Variants in STXBP5L observed in about 807,000 individuals in gnomAD.
STXBP5L encodes syntaxin-binding protein 5-like.
In STXBP5L, 65 loss-of-function variants were observed where a neutral mutation model predicts 144.5. The ratio of observed to expected loss-of-function variants is 0.45; its 90% CI spans 0.37 to 0.55. The LOEUF is 0.55. Ranked by LOEUF, STXBP5L falls within the 20% of genes least tolerant of loss-of-function variation. The pLI, the probability that STXBP5L is intolerant of heterozygous loss-of-function variation, is 0.00. For synonymous variants in STXBP5L, 505 were observed against 469.6 expected (o/e 1.08, Z -0.97); for missense variants, 1,298 against 1,405.5 (o/e 0.92, Z 1.22).
chr3:121,338,413 G>A (rs188654009), intron 20 of STXBP5L, among the ~76,000 whole-genome samples: 12 of 152,032 alleles, frequency 7.9e-5, no homozygotes, highest in South Asian at 2.1e-4. Flanking sequence ...GGAGTCTGAG[G>A]CGGGTGGATC....
intron 9 of STXBP5L, among the ~76,000 whole-genome samples, chr3:121,182,539 T>G (rs903387765): frequency 1.1e-4 from 16 of 152,090 alleles, no homozygotes; most frequent in Non-Finnish European, 4.4e-5. Context: ...AGAAAAAGCT[T>G]ACAGCATTAA....
intron 9 of STXBP5L, among the ~76,000 whole-genome samples, chr3:121,194,909 CTTTTTTTTTT>C (rs10717806): frequency 1.6e-4 from 11 of 68,500 alleles, no homozygotes; most frequent in Admixed American, 6.9e-4. Flanking sequence ...TCTTTTCACT[CTTTTTTTTTT>C]TTTTTTTTTT....
At chr3:121,339,622 T>C (rs1366257656) in intron 20 of STXBP5L, among the ~76,000 whole-genome samples, 3 of 152,112 alleles carry the variant, frequency 2.0e-5, no homozygotes, top group African/African-American at 7.2e-5. Context: ...TCAAACTATT[T>C]ATATTTGCCG....
chr3:121,321,499 A>G (rs1338422791), intron 20 of STXBP5L, among the ~76,000 whole-genome samples: 1 of 152,210 alleles, frequency 6.6e-6, no homozygotes, highest in Non-Finnish European at 1.5e-5. Context: ...AGCCACACAT[A>G]CACCTAAAAC....
At chr3:121,147,073 A>T (rs939639272) in intron 7 of STXBP5L, among the ~76,000 whole-genome samples, 11 of 152,112 alleles carry the variant, frequency 7.2e-5, no homozygotes, top group Admixed American at 1.3e-4. Flanking sequence ...ATTAGTGTGG[A>T]TAAAGAAAAT....
intron 5 of STXBP5L, among the ~76,000 whole-genome samples, chr3:121,095,165 C>T (rs1487782637): frequency 6.6e-6 from 1 of 152,206 alleles, no homozygotes; most frequent in Non-Finnish European, 1.5e-5. Flanking sequence ...CGCTGTTAGT[C>T]TGACGAGCTT....
intron 7 of STXBP5L, among the ~76,000 whole-genome samples, chr3:121,150,817 G>T (rs981226794): frequency 6.6e-6 from 1 of 152,106 alleles, no homozygotes; most frequent in South Asian, 2.1e-4. Context: ...GCTGGGCATG[G>T]TGACTCATGC....
chr3:121,301,170 T>C (rs1366362198), intron 19 of STXBP5L, among the ~76,000 whole-genome samples: 1 of 152,242 alleles, frequency 6.6e-6, no homozygotes, highest in Non-Finnish European at 1.5e-5. Flanking sequence ...TGATTCTTCC[T>C]ACCCATGAGC....
rs371732799 is a variant in STXBP5L at position 121,334,733 on chromosome 3, G to T, written c.2176+16193G>T. On this transcript the variant is annotated intron_variant, in intron 20 of 26. Transcript: ENST00000471454. Reference sequence around the variant, plus strand: ...TTCATCATAAACAGAACTAAAGATAGAAACCACATGATCATCTCAGTTCAA... The same window carrying T: ...TTCATCATAAACAGAACTAAAGATATAAACCACATGATCATCTCAGTTCAA... Among the ~76,000 whole-genome samples, 14 of 152,096 alleles carry T rather than the reference G, an allele frequency of 9.2e-5. 1 individual carries two copies. The highest frequency in any genetic ancestry group is 3.1e-4 in the African/African-American group (13 of 41,536).
At chr3:121,041,891 T>TTTA in intron 4 of STXBP5L, 110 bp downstream of exon 4, 1 of 685,522 alleles carries the variant, frequency 1.5e-6, no homozygotes, top group Non-Finnish European at 2.6e-6. Flanking sequence ...TATATATGCA[T>TTTA]GCAATATTAC....
At chr3:121,084,901 A>G (rs958488024) in intron 5 of STXBP5L, among the ~76,000 whole-genome samples, 1 of 152,134 alleles carries the variant, frequency 6.6e-6, no homozygotes, top group African/African-American at 2.4e-5. Flanking sequence ...TTTAATGGTC[A>G]TCATTCTGAC....
intron 7 of STXBP5L, among the ~76,000 whole-genome samples, chr3:121,131,967 C>T (rs945520722): frequency 1.3e-5 from 2 of 152,172 alleles, no homozygotes; most frequent in Non-Finnish European, 2.9e-5. Flanking sequence ...GCTCCTGGTG[C>T]AGTGCCATAT....
At chr3:121,069,755 G>A (rs1355897296) in intron 5 of STXBP5L, among the ~76,000 whole-genome samples, 2 of 151,698 alleles carry the variant, frequency 1.3e-5, no homozygotes, top group Non-Finnish European at 2.9e-5. Context: ...AACTCATTTT[G>A]AGCTATTTTT....
chr3:121,348,792 T>A (rs948836611), intron 20 of STXBP5L, among the ~76,000 whole-genome samples: 1 of 152,128 alleles, frequency 6.6e-6, no homozygotes, highest in African/African-American at 2.4e-5. Context: ...TTCTGTGGGA[T>A]CGGCGGTGAT....
intron 20 of STXBP5L, among the ~76,000 whole-genome samples, chr3:121,342,736 C>T (rs552756259): frequency 1.1e-4 from 16 of 148,564 alleles, no homozygotes; most frequent in African/African-American, 3.0e-4. Context: ...TTTCTTAATC[C>T]AGTCTATCAT....
rs569600507 is a variant in STXBP5L at position 120,967,554 on chromosome 3, C to T, written c.287+12517C>T. Among the ~76,000 whole-genome samples the T allele has an allele frequency of 5.7e-4, 87 of 152,282 alleles. 2 individuals carry two copies. The South Asian group carries it at 0.015, about 26-fold the overall frequency. Reference sequence around the variant, plus strand: ...TTCAATTTCGTTTATTTTTTCAAAACATCATTTTTATTTTGTTGATATTTG... The same window carrying T: ...TTCAATTTCGTTTATTTTTTCAAAATATCATTTTTATTTTGTTGATATTTG... On this transcript the variant is annotated intron_variant, in intron 3 of 26. Transcript: ENST00000471454.
intron 5 of STXBP5L, among the ~76,000 whole-genome samples, chr3:121,076,476 C>T (rs2042023184): frequency 6.6e-6 from 1 of 152,094 alleles, no homozygotes; most frequent in African/African-American, 2.4e-5. Flanking sequence ...TTTGTCCAGG[C>T]CATTAGAGTC....
intron 15 of STXBP5L, among the ~76,000 whole-genome samples, chr3:121,253,205 T>TA (rs1389797756): frequency 6.6e-6 from 1 of 151,444 alleles, no homozygotes; most frequent in African/African-American, 2.4e-5. Flanking sequence ...GTCTATTTTT[T>TA]AAAAAATCTA....
rs143940025 is a variant in STXBP5L, at chr3:121,361,201, T to A, written c.2177-17515T>A. On this transcript the variant is annotated intron_variant, in intron 20 of 26. Coordinates refer to ENST00000471454, the MANE Select transcript of STXBP5L (RefSeq NM_001308330.2). ...TGTATGTTATTTGTTTCTTTTCTCT[T>A]GCTACTTTTAGAGTCCTTTCTTTAT... Among the ~76,000 whole-genome samples the A allele has an allele frequency of 2.3e-3, 357 of 152,328 alleles. 2 individuals carry two copies. Among genetic ancestry groups the A allele is most frequent in the Middle Eastern group, 0.01 (3 of 294 alleles).
Sources: gnomAD v4.1 joint callset for allele counts (sites outside exome capture counted in the v4.1 genomes callset) on GRCh38, gnomAD v4.1.1 for gene constraint, MANE v1.5 for transcripts, NCBI Gene and HGNC (gene_info 2026-07-23, HGNC 2026-07-21) for gene names.